KCTD15: variants seen among roughly 807,000 people sequenced by gnomAD.
KCTD15 encodes the protein BTB/POZ domain-containing protein KCTD15.
KCTD15 carries 11 observed loss-of-function variants against 27.2 expected under a neutral mutation model. The observed-to-expected ratio is 0.41, with a 90% CI of 0.25 to 0.67. KCTD15 has a LOEUF of 0.67. Among genes scored for constraint, KCTD15 ranks in the 30% least tolerant of loss-of-function variants. The probability of loss-of-function intolerance (pLI) is 0.35; values close to 1 mark genes in which losing one functional copy is unlikely to be tolerated. For missense variants in KCTD15, 350 were observed against 409.3 expected (o/e 0.86, Z 1.25); for synonymous variants, 163 against 176.0 (o/e 0.93, Z 0.58).
intron 1 of KCTD15, among the ~76,000 whole-genome samples, chr19:33,798,101 G>A (rs1975409973): frequency 6.6e-6 from 1 of 152,070 alleles, no homozygotes; most frequent in South Asian, 2.1e-4. Flanking sequence ...GGGGGGGGTG[G>A]GGAGGCTGGC....
chr19:33,813,695 G>A lies in KCTD15; in HGVS notation c.*747G>A, dbSNP rs969890082. 3.9e-5 allele frequency: 10 copies of A among 257,018 alleles called. No individual in the cohort carries two copies. Among genetic ancestry groups the A allele is most frequent in the Admixed American group, 1.1e-4 (2 of 18,966 alleles). 15.9% of individuals were successfully genotyped at this position (257,018 alleles called of 1,614,324 possible). ...CTGCTGCCCAGGGGCTTCCAGTCCTGTCTGTGTGGACTGGCACCTGGGCTG... is the reference window on the plus strand; with the variant it reads ...CTGCTGCCCAGGGGCTTCCAGTCCTATCTGTGTGGACTGGCACCTGGGCTG... On this transcript the variant is annotated 3_prime_UTR_variant, in exon 7 of 7. Transcript: ENST00000683859.
At chr19:33,797,056 G>C (rs1040191340) in intron 1 of KCTD15, 69 bp downstream of exon 1, 1 of 154,780 alleles carries the variant, frequency 6.5e-6, no homozygotes, top group African/African-American at 2.4e-5. Context: ...GCGATACCGA[G>C]AAAGTCGCCC....
intron 4 of KCTD15, among the ~76,000 whole-genome samples, chr19:33,803,273 G>A (rs574898328): frequency 2.0e-5 from 3 of 152,238 alleles, no homozygotes; most frequent in Non-Finnish European, 2.9e-5. Context: ...CCTGAGAAGT[G>A]GGTCAGGCAG....
upstream of KCTD15, among the ~76,000 whole-genome samples, chr19:33,795,732 G>A (rs923294369): frequency 1.3e-5 from 2 of 152,126 alleles, no homozygotes; most frequent in Non-Finnish European, 2.9e-5. Flanking sequence ...GGAGGAAGGG[G>A]CGGCCGAAGC....
Position 33,800,504 on chromosome 19 carries a change from G to GCAGC in KCTD15, c.51_54dup (p.Thr19GlnfsTer62). ...AGCGGGTCCTCGCTTCACACACACG[G>GCAGC]CAGCACCGGCACCGCGGTGAGCCTG... is the stretch of plus-strand genomic sequence containing the variant. On this transcript the variant is annotated frameshift_variant, in exon 3 of 7. Transcript: ENST00000683859. LOFTEE classifies it high-confidence loss of function. 6.2e-7 allele frequency: 1 copy of GCAGC among 1,600,822 alleles called. No individual in the cohort carries two copies. Among genetic ancestry groups the GCAGC allele is most frequent in the Non-Finnish European group, 8.5e-7 (1 of 1,175,120 alleles).
intron 4 of KCTD15, among the ~76,000 whole-genome samples, chr19:33,802,762 A>G (rs1401212775): frequency 6.6e-6 from 1 of 152,248 alleles, no homozygotes; most frequent in Non-Finnish European, 1.5e-5. Context: ...TGTTTGAGAT[A>G]GATCATCCCT....
upstream of KCTD15, among the ~76,000 whole-genome samples, chr19:33,795,478 G>C (rs1001148328): frequency 6.6e-5 from 10 of 151,890 alleles, no homozygotes; most frequent in Non-Finnish European, 1.5e-4. Flanking sequence ...GGGCGTCCAG[G>C]CCCGGCCGGA....
intron 2 of KCTD15, among the ~76,000 whole-genome samples, chr19:33,799,304 T>C (rs965040995): frequency 6.6e-6 from 1 of 152,242 alleles, no homozygotes; most frequent in Non-Finnish European, 1.5e-5. Context: ...GCACAAATTT[T>C]GATCCCAGAG....
chr19:33,806,738 G>A (rs1373821807), intron 4 of KCTD15, 125 bp from the exon 5 acceptor site: 7 of 1,069,962 alleles, frequency 6.5e-6, no homozygotes, highest in Non-Finnish European at 9.5e-6. Flanking sequence ...CAGTTCCAGA[G>A]TCACCCATGT....
Position 33,800,433 on chromosome 19 carries a change from C to T in KCTD15, c.-22C>T. On this transcript the variant is annotated 5_prime_UTR_variant, in exon 3 of 7. Coordinates refer to ENST00000683859, the MANE Select transcript of KCTD15 (RefSeq NM_001129994.2). ...TTTGTCGATGCCTCCCGCAGATACT[C>T]TGGGCAGGGATGGAAGCCTAGATGC... is the stretch of plus-strand genomic sequence containing the variant. The T allele has an allele frequency of 6.3e-7, 1 of 1,596,850 alleles. No homozygotes were observed. The highest frequency in any genetic ancestry group is 8.5e-7 in the Non-Finnish European group (1 of 1,172,810).
At chr19:33,803,035 A>G (rs1028369640) in intron 4 of KCTD15, among the ~76,000 whole-genome samples, 2 of 152,160 alleles carry the variant, frequency 1.3e-5, no homozygotes, top group African/African-American at 4.8e-5. Flanking sequence ...TCTCATGGGG[A>G]GCTAGGGCCC....
rs971574711 is a variant in KCTD15, at chr19:33,812,732, C to G, written c.694-58C>G. On this transcript the variant is annotated intron_variant, in intron 6 of 6. Transcript: ENST00000683859. The stretch of plus-strand genomic sequence containing the variant: ...AGCAGGCACCCACCTCCCTGCCAGG[C>G]CAAGCCAGGTGTCCTCTTGCAGCTT... The G allele has an allele frequency of 2.7e-5, 38 of 1,399,126 alleles. No homozygotes were observed. In the African/African-American group the frequency reaches 5.4e-4, roughly 20 times the overall value. 86.7% of individuals were successfully genotyped at this position (1,399,126 alleles called of 1,614,324 possible). A position where few individuals can be genotyped will look rare whatever the true frequency, so the allele number is the denominator to read the frequency against.
intron 6 of KCTD15, 98 bp downstream of exon 6, chr19:33,811,650 G>T: frequency 4.0e-6 from 6 of 1,513,984 alleles, no homozygotes; most frequent in Non-Finnish European, 5.4e-6. Flanking sequence ...TCCCTGAAAC[G>T]GTGAAGCCCC....
In KCTD15 at chr19:33,806,265, G is replaced by A. The variant is rs561360389; in HGVS notation, c.243-598G>A. Among the ~76,000 whole-genome samples the A allele has an allele frequency of 5.3e-5, 8 of 152,348 alleles. No homozygotes were observed. In the South Asian group the frequency reaches 1.7e-3, roughly 32 times the overall value. On this transcript the variant is annotated intron_variant, in intron 4 of 6. Coordinates refer to ENST00000683859, the MANE Select transcript of KCTD15 (RefSeq NM_001129994.2). ...GCCGTCATGTCTCTGGGTGCCTGGTGTTGACAGGTGTGTGTCCTTTCCTGG... is the reference window on the plus strand; with the variant it reads ...GCCGTCATGTCTCTGGGTGCCTGGTATTGACAGGTGTGTGTCCTTTCCTGG...
Position 33,812,468 on chromosome 19 carries a change from C to T in KCTD15, c.694-322C>T, listed in dbSNP as rs796440634. On this transcript the variant is annotated intron_variant, in intron 6 of 6. Coordinates refer to ENST00000683859, the MANE Select transcript of KCTD15 (RefSeq NM_001129994.2). ...TCTGGAGAGAGGGCATAGGTTACAC[C>T]CTACAGAATAAAGAAGGGACCCAAA... The T allele has an allele frequency of 6.1e-6, 7 of 1,144,416 alleles. No individual in the cohort carries two copies. In the African/African-American group the frequency reaches 1.1e-4, roughly 18 times the overall value. 70.9% of individuals were successfully genotyped at this position (1,144,416 alleles called of 1,614,324 possible).
chr19:33,795,524 T>G (rs564489421), upstream of KCTD15, among the ~76,000 whole-genome samples: 2,078 of 151,770 alleles, frequency 0.014, 63 homozygotes, highest in African/African-American at 0.048. Context: ...TTCCGGCCCG[T>G]GCGCACCCGC....
At position 33,814,107 on chromosome 19, in the gene KCTD15, A is replaced by G. The variant is rs1176734741; in HGVS notation, c.*1159A>G. The stretch of plus-strand genomic sequence containing the variant: ...TGGTGGGCGGGGCTCCCCAGCCATC[A>G]CCATCCTGTGTACAATGGCTGTAGA... On this transcript the variant is annotated 3_prime_UTR_variant, in exon 7 of 7. Transcript: ENST00000683859. 1 of 152,640 alleles carries G rather than the reference A, an allele frequency of 6.6e-6. No homozygotes were observed. Among genetic ancestry groups the G allele is most frequent in the Non-Finnish European group, 1.5e-5 (1 of 68,068 alleles). 9.5% of individuals were successfully genotyped at this position (152,640 alleles called of 1,614,324 possible). A position where few individuals can be genotyped will look rare whatever the true frequency, so the allele number is the denominator to read the frequency against.
rs1174719219 is a variant in KCTD15, at chr19:33,814,568, ATTC to A, written c.*1623_*1625del. 6.6e-6 allele frequency: 1 copy of A among 152,084 alleles called. No individual in the cohort carries two copies. The highest frequency in any genetic ancestry group is 2.4e-5 in the African/African-American group (1 of 41,400). 9.4% of individuals were successfully genotyped at this position (152,084 alleles called of 1,614,324 possible). ...AATGTTTGGGATTTTCTCTCTCACT[ATTC>A]TTTGGTTGGGGATGATGTCCTCTTT... On this transcript the variant is annotated 3_prime_UTR_variant, in exon 7 of 7. Transcript: ENST00000683859.
chr19:33,806,797 G>A (rs1176757930), intron 4 of KCTD15, 66 bp from the exon 5 acceptor site: 83 of 1,569,356 alleles, frequency 5.3e-5, no homozygotes, highest in Non-Finnish European at 6.8e-5. Context: ...GTGGGGGCGG[G>A]GTGTGGGAAG....
Sources: allele counts gnomAD v4.1 joint callset (sites outside exome capture counted in the v4.1 genomes callset), GRCh38; gene constraint gnomAD v4.1.1; transcripts MANE v1.5; gene names NCBI Gene and HGNC (gene_info 2026-07-23, HGNC 2026-07-21).